NUP88: variants seen among roughly 807,000 people sequenced by gnomAD.
NUP88 encodes the protein nucleoporin 88, also known as nuclear pore complex protein Nup88.
Under a neutral mutation model 93.9 loss-of-function variants are expected in NUP88, and 57 were observed. The ratio of observed to expected loss-of-function variants is 0.61; its 90% confidence interval spans 0.49 to 0.76. NUP88 has a LOEUF of 0.76. Among genes scored for constraint, NUP88 ranks in the 30% least tolerant of loss-of-function variants. The probability of loss-of-function intolerance (pLI) is 0.00; values close to 1 mark genes in which losing one functional copy is unlikely to be tolerated. For missense variants in NUP88, 911 were observed against 901.0 expected, an observed-to-expected ratio of 1.01 and a Z score of -0.14; for synonymous variants, 346 against 336.8, an observed-to-expected ratio of 1.03 and a Z score of -0.30.
rs773082390 is a variant in NUP88 at position 5,408,480 on chromosome 17, G to C, written c.857+253C>G. Among the ~76,000 whole-genome samples the C allele has an allele frequency of 3.7e-4, 57 of 152,154 alleles. 1 individual carries two copies. Among genetic ancestry groups the C allele is most frequent in the South Asian group, 8.3e-4 (4 of 4,830 alleles). On this transcript the variant is annotated intron_variant, in intron 5 of 16. Transcript: ENST00000573584. Reference sequence around the variant, plus strand: ...CAATAAGCACTTGTTCGGATAACTAGAATTTGTGAACACAAATCCAGGCCT... The same window carrying C: ...CAATAAGCACTTGTTCGGATAACTACAATTTGTGAACACAAATCCAGGCCT...
rs140076877 is a variant in NUP88 at position 5,387,427 on chromosome 17, T to C, written c.1875A>G (p.Lys625=). The change falls in exon 14 of 17, where the codon AAA becomes AAG. Residue 625 remains lysine, a synonymous_variant. Transcript: ENST00000573584. The part of the protein sequence containing the change: ...LREMAERLAD[K]YEEAKEKQED... ...CTTGTTTTTCTTTAGCTTCCTCATA[T>C]TTGTCAGCTAAACGCTCAGCCATTT... The C allele has an allele frequency of 1.2e-6, 2 of 1,614,210 alleles. No individual in the cohort carries two copies. The highest frequency in any genetic ancestry group is 1.7e-6 in the Non-Finnish European group (2 of 1,180,030).
intron 10 of NUP88, among the ~76,000 whole-genome samples, chr17:5,391,047 G>GT (rs1405495584): frequency 6.6e-6 from 1 of 152,130 alleles, no homozygotes; most frequent in Non-Finnish European, 1.5e-5. Context: ...AAATTAAAGA[G>GT]TATGAGTATG....
At chr17:5,387,308 G>T in intron 14 of NUP88, 78 bp downstream of exon 14, 2 of 1,344,800 alleles carry the variant, frequency 1.5e-6, no homozygotes, top group Non-Finnish European at 2.1e-6. Flanking sequence ...AGGTATGTAA[G>T]CACCTGCCAA....
At chr17:5,391,706 A>C in intron 9 of NUP88, 44 bp from the exon 10 acceptor site, 1 of 1,518,556 alleles carries the variant, frequency 6.6e-7, no homozygotes, top group South Asian at 1.1e-5. Flanking sequence ...CAGCAAATGC[A>C]ATGGAACCAA....
intron 4 of NUP88, among the ~76,000 whole-genome samples, chr17:5,409,548 C>T (rs1047131552): frequency 2.6e-5 from 4 of 151,924 alleles, no homozygotes; most frequent in Admixed American, 1.3e-4. Flanking sequence ...CACATGAAAA[C>T]ATCAACAGTT....
intron 10 of NUP88, 109 bp from the exon 11 acceptor site, chr17:5,389,069 AC>A: frequency 1.2e-6 from 1 of 853,232 alleles, no homozygotes; most frequent in Non-Finnish European, 1.7e-6. Flanking sequence ...ATAAAGTGTA[AC>A]TTTTGTAAAA....
intron 14 of NUP88, 33 bp from the exon 15 acceptor site, chr17:5,387,143 A>C: frequency 6.2e-7 from 1 of 1,608,636 alleles, no homozygotes; most frequent in South Asian, 1.1e-5. Context: ...TCTCAATTTA[A>C]GGTCTCTACT....
intron 9 of NUP88, 46 bp from the exon 10 acceptor site, chr17:5,391,708 T>C: frequency 6.6e-7 from 1 of 1,509,072 alleles, no homozygotes; most frequent in Non-Finnish European, 9.2e-7. Context: ...GCAAATGCAA[T>C]GGAACCAAGA....
chr17:5,414,802 C>T (rs201367517), intron 2 of NUP88, among the ~76,000 whole-genome samples: 1 of 150,104 alleles, frequency 6.7e-6, no homozygotes, highest in Non-Finnish European at 1.5e-5. Context: ...GCCTGTAACC[C>T]GTTACCCGTG....
intron 9 of NUP88, among the ~76,000 whole-genome samples, chr17:5,393,401 G>A (rs1332220979): frequency 1.3e-5 from 2 of 151,254 alleles, no homozygotes; most frequent in African/African-American, 4.9e-5. Context: ...CAGCCTACAT[G>A]GGATTTTATT....
intron 9 of NUP88, among the ~76,000 whole-genome samples, chr17:5,393,231 A>C (rs955768184): frequency 6.6e-6 from 1 of 151,830 alleles, no homozygotes; most frequent in Non-Finnish European, 1.5e-5. Flanking sequence ...CTGGGATTAC[A>C]GGCGTGAGCC....
intron 7 of NUP88, among the ~76,000 whole-genome samples, chr17:5,401,009 T>G (rs1913126075): frequency 6.6e-6 from 1 of 152,168 alleles, no homozygotes; most frequent in Non-Finnish European, 1.5e-5. Context: ...ATCCTGAGAC[T>G]AAAAGATAAA....
intron 8 of NUP88, among the ~76,000 whole-genome samples, chr17:5,398,660 G>A (rs1488587239): frequency 3.3e-5 from 5 of 151,130 alleles, no homozygotes; most frequent in Admixed American, 1.3e-4. Flanking sequence ...GCATGACCTC[G>A]GCTCACTGCA....
intron 8 of NUP88, among the ~76,000 whole-genome samples, chr17:5,398,033 A>G (rs1489422270): frequency 6.6e-6 from 1 of 151,240 alleles, no homozygotes; most frequent in Non-Finnish European, 1.5e-5. Context: ...CAGCCTCCCG[A>G]GTAGCTGGGA....
intron 3 of NUP88, 86 bp downstream of exon 3, chr17:5,413,923 C>G (rs2151647919): frequency 7.0e-7 from 1 of 1,434,892 alleles, no homozygotes; most frequent in Non-Finnish European, 9.7e-7. Flanking sequence ...CAATGACTCA[C>G]TTCGTTCTAT....
At chr17:5,412,820 C>A (rs565511131) in intron 3 of NUP88, among the ~76,000 whole-genome samples, 2 of 152,314 alleles carry the variant, frequency 1.3e-5, no homozygotes, top group South Asian at 4.1e-4. Flanking sequence ...CTGTCCCACT[C>A]CCCTACCCCA....
Position 5,387,377 on chromosome 17 carries a change from C to A in NUP88, c.1916+9G>T. The A allele has an allele frequency of 6.2e-7, 1 of 1,608,078 alleles. No individual in the cohort carries two copies. Among genetic ancestry groups the A allele is most frequent in the Non-Finnish European group, 8.5e-7 (1 of 1,174,600 alleles). ...GACTAGGTAACTAAATGTTATACAG[C>A]CCACTGACCTGTTCATGATATCCTC... On this transcript the variant is annotated intron_variant, in intron 14 of 16. Transcript: ENST00000573584.
chr17:5,399,181 G>T (rs896551579), intron 8 of NUP88, among the ~76,000 whole-genome samples: 1 of 137,634 alleles, frequency 7.3e-6, no homozygotes, highest in Non-Finnish European at 1.5e-5. Context: ...GTGAGCCACC[G>T]CACCCGGCCT....
At chr17:5,411,253 ATG>A (rs1913824033) in intron 3 of NUP88, among the ~76,000 whole-genome samples, 1 of 152,110 alleles carries the variant, frequency 6.6e-6, no homozygotes, top group Non-Finnish European at 1.5e-5. Context: ...AAATCTACTT[ATG>A]TGTTTGTTAT....
Sources: gnomAD v4.1 joint callset for allele counts (sites outside exome capture counted in the v4.1 genomes callset) on GRCh38, gnomAD v4.1.1 for gene constraint, MANE v1.5 for transcripts, NCBI Gene and HGNC (gene_info 2026-07-23, HGNC 2026-07-21) for gene names.